NOL10: variants seen among roughly 807,000 people sequenced by gnomAD.
The protein encoded by NOL10 is nucleolar protein 10, also known as H_NH0074G24.1.
Under a neutral mutation model 103.5 loss-of-function variants are expected in NOL10, and 58 were observed. The ratio of observed to expected loss-of-function variants is 0.56; its 90% confidence interval spans 0.45 to 0.70. NOL10 has a LOEUF of 0.70. Among genes scored for constraint, NOL10 ranks in the 30% least tolerant of loss-of-function variants. The pLI is 0.00. For synonymous variants in NOL10, 287 were observed against 282.5 expected (o/e 1.02, Z -0.16); for missense variants, 763 against 807.3 (o/e 0.95, Z 0.67).
intron 1 of NOL10, among the ~76,000 whole-genome samples, chr2:10,689,590 A>C (rs936300766): frequency 6.6e-6 from 1 of 152,200 alleles, no homozygotes; most frequent in Non-Finnish European, 1.5e-5. Flanking sequence ...CCCTTGGTCC[A>C]GTTTCTGGCG....
chr2:10,637,188 C>CAA (rs61693251), intron 13 of NOL10, among the ~76,000 whole-genome samples: 531 of 44,214 alleles, frequency 0.012, 30 homozygotes, highest in African/African-American at 0.015. Context: ...GACACTGTCT[C>CAA]AAAAAAAAAA....
At chr2:10,676,233 A>G (rs535413016) in intron 3 of NOL10, among the ~76,000 whole-genome samples, 2 of 152,356 alleles carry the variant, frequency 1.3e-5, no homozygotes, top group South Asian at 4.1e-4. Flanking sequence ...TATACAATTG[A>G]TACAACTTCT....
At chr2:10,601,451 A>T (rs1392590628) in intron 16 of NOL10, among the ~76,000 whole-genome samples, 1 of 152,156 alleles carries the variant, frequency 6.6e-6, no homozygotes, top group East Asian at 1.9e-4. Flanking sequence ...TGGCAAAAAA[A>T]CGGCAACCCC....
rs549748536 is a variant in NOL10 at position 10,605,258 on chromosome 2, C to T, written c.1153+1927G>A. 3.9e-5 allele frequency among the ~76,000 whole-genome samples: 6 copies of T among 152,138 alleles called. No individual in the cohort carries two copies. In the South Asian group the frequency reaches 6.2e-4, roughly 16 times the overall value. ...TTTACAGACGTAATTTTCCAAAGAA[C>T]GCACTGTGGGAAATACCAAGCTATA... On this transcript the variant is annotated intron_variant, in intron 14 of 20. Coordinates refer to ENST00000381685, the MANE Select transcript of NOL10 (RefSeq NM_024894.4).
chr2:10,639,898 G>A (rs1259651704), intron 13 of NOL10, among the ~76,000 whole-genome samples: 3 of 152,150 alleles, frequency 2.0e-5, no homozygotes, highest in Admixed American at 6.5e-5. Flanking sequence ...GACAGGGGCT[G>A]CAGACAACCC....
At chr2:10,678,683 T>C (rs1395636328) in intron 3 of NOL10, among the ~76,000 whole-genome samples, 1 of 152,174 alleles carries the variant, frequency 6.6e-6, no homozygotes, top group East Asian at 1.9e-4. Context: ...CTCAACTTTT[T>C]AGCCACAAGG....
At chr2:10,655,137 G>A (rs1456207201) in intron 11 of NOL10, among the ~76,000 whole-genome samples, 1 of 151,770 alleles carries the variant, frequency 6.6e-6, no homozygotes, top group East Asian at 1.9e-4. Context: ...AACCCAGGAG[G>A]CGGAGGTTAT....
chr2:10,576,140 A>C (rs1674439606), intron 20 of NOL10, among the ~76,000 whole-genome samples: 1 of 152,186 alleles, frequency 6.6e-6, no homozygotes, highest in Admixed American at 6.5e-5. Flanking sequence ...TCAACTCATT[A>C]GTCATTAGGG....
rs78330128 is a variant in NOL10, at chr2:10,644,390, G to A, written c.974-18C>T. On this transcript the variant is annotated intron_variant, in intron 12 of 20. Coordinates refer to ENST00000381685, the MANE Select transcript of NOL10 (RefSeq NM_024894.4). ...AAGCATGCCTAAAAATAAATACAAT[G>A]AAAAAGGTCAATGCATAGGAAAAAG... is the stretch of plus-strand genomic sequence containing the variant. 4.6e-4 allele frequency: 707 copies of A among 1,523,044 alleles called. 18 individuals are homozygous for A. The East Asian group carries it at 0.018, about 38-fold the overall frequency. 94.3% of individuals were successfully genotyped at this position (1,523,044 alleles called of 1,614,324 possible). A position where few individuals can be genotyped will look rare whatever the true frequency, so the allele number is the denominator to read the frequency against.
At chr2:10,613,516 C>T (rs1676677886) in intron 13 of NOL10, among the ~76,000 whole-genome samples, 1 of 152,144 alleles carries the variant, frequency 6.6e-6, no homozygotes, top group East Asian at 1.9e-4. Context: ...AACTGAGAGG[C>T]TATGGTTTCA....
At position 10,644,311 on chromosome 2, in the gene NOL10, A is replaced by C; in HGVS notation, c.1026+9T>G. ...TATTTTTACTGAAACTCCTCTTTGT[A>C]TTACTTACTGGAATGTAATAGATGC... On this transcript the variant is annotated intron_variant, in intron 13 of 20. Transcript: ENST00000381685. 6.6e-7 allele frequency: 1 copy of C among 1,508,970 alleles called. No homozygotes were observed. The highest frequency in any genetic ancestry group is 8.9e-7 in the Non-Finnish European group (1 of 1,127,830). 93.5% of individuals were successfully genotyped at this position (1,508,970 alleles called of 1,614,324 possible).
At chr2:10,651,589 C>T (rs770334561) in intron 12 of NOL10, among the ~76,000 whole-genome samples, 2 of 152,040 alleles carry the variant, frequency 1.3e-5, no homozygotes, top group Admixed American at 1.3e-4. Flanking sequence ...CATGTCAATG[C>T]CCACGAGTGG....
chr2:10,638,300 A>AACGTAACGTGACGTGACGTG (rs1553306368), intron 13 of NOL10, among the ~76,000 whole-genome samples: 3 of 87,094 alleles, frequency 3.4e-5, no homozygotes, highest in Non-Finnish European at 8.5e-5. Context: ...AAAATAACGT[A>AACGTAACGTGACGTGACGTG]ACGTGACGTG....
At chr2:10,625,170 C>T (rs189075783) in intron 13 of NOL10, among the ~76,000 whole-genome samples, 2 of 152,126 alleles carry the variant, frequency 1.3e-5, no homozygotes, top group Admixed American at 6.5e-5. Context: ...GGTAGGGAGA[C>T]TATTCTATGT....
chr2:10,684,685 C>A, intron 1 of NOL10, 73 bp from the exon 2 acceptor site: 1 of 1,095,428 alleles, frequency 9.1e-7, no homozygotes, highest in South Asian at 1.4e-5. Context: ...AAAATCAATA[C>A]ATGCTTATAT....
chr2:10,657,195 T>C (rs1679897790), intron 11 of NOL10, among the ~76,000 whole-genome samples: 1 of 152,076 alleles, frequency 6.6e-6, no homozygotes, highest in South Asian at 2.1e-4. Flanking sequence ...GACATGCACC[T>C]GTAATCACAG....
At chr2:10,601,897 G>A (rs1675993308) in intron 16 of NOL10, among the ~76,000 whole-genome samples, 1 of 152,226 alleles carries the variant, frequency 6.6e-6, no homozygotes, top group Non-Finnish European at 1.5e-5. Context: ...GTCTTTTATA[G>A]TGACAGAGTA....
chr2:10,647,474 A>G (rs1374513727), intron 12 of NOL10, among the ~76,000 whole-genome samples: 2 of 152,248 alleles, frequency 1.3e-5, no homozygotes, highest in African/African-American at 4.8e-5. Flanking sequence ...CTAGTAATTC[A>G]TTTGTATTGT....
rs372068352 is a variant in NOL10, at chr2:10,662,999, G to C, written c.637C>G (p.Leu213Val). 2.4e-5 allele frequency: 38 copies of C among 1,613,922 alleles called. No homozygotes were observed. In the African/African-American group the frequency reaches 4.9e-4, roughly 21 times the overall value. ...WDPRTRNRVG[L>V]LDCALNSVTA... The stretch of plus-strand genomic sequence containing the variant: ...ACACTGTTTAAGGCGCAGTCTAACA[G>C]GCCAACTCTGTTTCGAGTTCTTGGG... Residue 213 changes from leucine (L) to valine (V), a missense_variant, in exon 9 of 21, where the codon CTG becomes GTG. Coordinates refer to ENST00000381685, the MANE Select transcript of NOL10 (RefSeq NM_024894.4).
Sources: gnomAD v4.1 joint callset for allele counts (sites outside exome capture counted in the v4.1 genomes callset) on GRCh38, gnomAD v4.1.1 for gene constraint, MANE v1.5 for transcripts, NCBI Gene and HGNC (gene_info 2026-07-23, HGNC 2026-07-21) for gene names.